Variants in KLHL1 observed in about 807,000 individuals in gnomAD.
KLHL1 encodes kelch like family member 1.
In KLHL1, 47 loss-of-function variants were observed where a neutral mutation model predicts 77.7. That is an observed-to-expected ratio of 0.60 (90% confidence interval 0.48 to 0.77). The LOEUF is 0.77. Ranked by LOEUF, KLHL1 falls within the 30% of genes least tolerant of loss-of-function variation. The pLI is 0.00. For synonymous variants in KLHL1, 360 were observed against 325.2 expected (o/e 1.11, Z -1.15); for missense variants, 925 against 910.8 (o/e 1.02, Z -0.20).
intron 1 of KLHL1, among the ~76,000 whole-genome samples, chr13:70,064,850 A>G (rs886219949): frequency 2.6e-5 from 4 of 152,192 alleles, no homozygotes; most frequent in Admixed American, 6.5e-5. Flanking sequence ...CACTAAGTCT[A>G]CAGTCTGATA....
intron 5 of KLHL1, among the ~76,000 whole-genome samples, chr13:69,848,414 C>A (rs1394395422): frequency 6.6e-6 from 1 of 151,442 alleles, no homozygotes; most frequent in Non-Finnish European, 1.5e-5. Context: ...GTAGATAGTT[C>A]CTCCTCTTAC....
chr13:69,975,599 A>C, intron 2 of KLHL1, 21 bp downstream of exon 2: 4 of 1,598,582 alleles, frequency 2.5e-6, no homozygotes, highest in Non-Finnish European at 3.4e-6. Flanking sequence ...GCATGTTTCC[A>C]GTAGAGGCAG....
chr13:70,075,569 G>GTATATATATATATATATATATA (rs1555295388), intron 1 of KLHL1, among the ~76,000 whole-genome samples: 236 of 106,396 alleles, frequency 2.2e-3, no homozygotes, highest in South Asian at 4.5e-3. Flanking sequence ...GTGTGTATGT[G>GTATATATATATATATATATATA]TATATATATA....
chr13:69,823,617 T>C (rs1411635605), intron 6 of KLHL1, among the ~76,000 whole-genome samples: 2 of 152,112 alleles, frequency 1.3e-5, no homozygotes, highest in African/African-American at 4.8e-5. Flanking sequence ...TTGTTTATGA[T>C]ACAAAATAAA....
At chr13:69,727,751 G>A (rs545618382) in intron 8 of KLHL1, among the ~76,000 whole-genome samples, 2 of 152,118 alleles carry the variant, frequency 1.3e-5, no homozygotes, top group East Asian at 3.9e-4. Context: ...CAACTATTGT[G>A]ATGAAATTCT....
At chr13:69,719,209 T>TGTGTGTGTGTGTGAGAGAGA (rs879782405) in intron 9 of KLHL1, among the ~76,000 whole-genome samples, 160 bp downstream of exon 9, 3 of 36,864 alleles carry the variant, frequency 8.1e-5, no homozygotes, top group African/African-American at 1.6e-4. Flanking sequence ...TGTGTGTGTG[T>TGTGTGTGTGTGTGAGAGAGA]GAGAGAGAGA....
intron 6 of KLHL1, among the ~76,000 whole-genome samples, chr13:69,825,611 A>T (rs900306394): frequency 6.6e-6 from 1 of 152,038 alleles, no homozygotes; most frequent in East Asian, 1.9e-4. Flanking sequence ...AGCTGGGTGG[A>T]TGGGACTGGA....
chr13:69,845,188 C>G (rs1879411559), intron 5 of KLHL1, among the ~76,000 whole-genome samples: 1 of 151,616 alleles, frequency 6.6e-6, no homozygotes, highest in Admixed American at 6.6e-5. Context: ...CTTCTTGTGA[C>G]TTTTTTCTAT....
chr13:70,105,740 C>G (rs1888038935), intron 1 of KLHL1, among the ~76,000 whole-genome samples: 1 of 150,960 alleles, frequency 6.6e-6, no homozygotes, highest in African/African-American at 2.4e-5. Context: ...TATTAAATAA[C>G]TTTTAATAAC....
At chr13:70,054,059 G>C (rs1185710534) in intron 1 of KLHL1, among the ~76,000 whole-genome samples, 1 of 151,986 alleles carries the variant, frequency 6.6e-6, no homozygotes, top group African/African-American at 2.4e-5. Context: ...TCTTTTAATG[G>C]CATTAGCTCC....
chr13:69,860,627 A>G (rs1880111760), intron 5 of KLHL1, among the ~76,000 whole-genome samples: 1 of 151,806 alleles, frequency 6.6e-6, no homozygotes, highest in African/African-American at 2.4e-5. Flanking sequence ...GTATAATATA[A>G]TTTTATTTTA....
At chr13:69,787,556 C>A (rs1224199869) in intron 7 of KLHL1, among the ~76,000 whole-genome samples, 2 of 152,038 alleles carry the variant, frequency 1.3e-5, no homozygotes, top group African/African-American at 4.8e-5. Flanking sequence ...CCATAAAAAC[C>A]CTAGAAGGAA....
At chr13:70,097,244 A>G (rs1029944622) in intron 1 of KLHL1, among the ~76,000 whole-genome samples, 4 of 152,044 alleles carry the variant, frequency 2.6e-5, no homozygotes, top group Admixed American at 2.6e-4. Flanking sequence ...TGTGAGTCCT[A>G]TAAGGCATTT....
At chr13:69,972,880 T>C (rs1884431424) in intron 2 of KLHL1, among the ~76,000 whole-genome samples, 1 of 151,940 alleles carries the variant, frequency 6.6e-6, no homozygotes, top group African/African-American at 2.4e-5. Flanking sequence ...TCTGTCAACC[T>C]AATTTTCCTC....
At chr13:69,952,074 G>A (rs576602647) in intron 3 of KLHL1, among the ~76,000 whole-genome samples, 1 of 151,546 alleles carries the variant, frequency 6.6e-6, no homozygotes, top group Non-Finnish European at 1.5e-5. Flanking sequence ...ATGTAAGCAA[G>A]GGGGTTTGAT....
chr13:69,757,292 A>T (rs951418470), intron 7 of KLHL1, among the ~76,000 whole-genome samples: 1 of 152,172 alleles, frequency 6.6e-6, no homozygotes, highest in Non-Finnish European at 1.5e-5. Context: ...GATGCAATTA[A>T]CAAGACAATT....
At chr13:70,082,323 A>T (rs1045721777) in intron 1 of KLHL1, among the ~76,000 whole-genome samples, 218 of 107,224 alleles carry the variant, frequency 2.0e-3, no homozygotes, top group African/African-American at 7.2e-3. Flanking sequence ...ACACACACAC[A>T]CACACACACA....
At chr13:69,897,883 C>T (rs1881704558) in intron 4 of KLHL1, among the ~76,000 whole-genome samples, 1 of 152,222 alleles carries the variant, frequency 6.6e-6, no homozygotes, top group Non-Finnish European at 1.5e-5. Flanking sequence ...ATTGATTTAT[C>T]TGTACCATTC....
intron 9 of KLHL1, among the ~76,000 whole-genome samples, chr13:69,717,531 A>G (rs1184695662): frequency 1.3e-5 from 2 of 152,170 alleles, no homozygotes; most frequent in African/African-American, 2.4e-5. Flanking sequence ...ATTTTCCAAC[A>G]TAAATGTATT....
Sources: gnomAD v4.1 joint callset for allele counts (sites outside exome capture counted in the v4.1 genomes callset) on GRCh38, gnomAD v4.1.1 for gene constraint, MANE v1.5 for transcripts, NCBI Gene and HGNC (gene_info 2026-07-23, HGNC 2026-07-21) for gene names.